Variants in ATP13A2 observed in about 807,000 individuals in gnomAD.
ATP13A2 encodes the protein polyamine-transporting ATPase 13A2.
A neutral mutation model predicts 138.3 loss-of-function variants in ATP13A2; 83 were observed. The ratio of observed to expected loss-of-function variants is 0.60; its 90% CI spans 0.50 to 0.72. ATP13A2 has a LOEUF of 0.72. Among genes scored for constraint, ATP13A2 ranks in the 30% least tolerant of loss-of-function variants. ATP13A2 has a pLI of 0.00. For missense variants in ATP13A2, 1,402 were observed against 1,606.4 expected, an observed-to-expected ratio of 0.87 and a Z score of 2.17; for synonymous variants, 663 against 699.0, an observed-to-expected ratio of 0.95 and a Z score of 0.81.
rs778964823 is a variant in ATP13A2, at chr1:16,996,397, A to G, written c.1295T>C (p.Leu432Pro). ...AGGGGGCCACTCACCCAGGACAGAGAGGGCAGCCACAAACTTCATGCTGTG... is the reference window on the plus strand; with the variant it reads ...AGGGGGCCACTCACCCAGGACAGAGGGGGCAGCCACAAACTTCATGCTGTG... ...YKHSMKFVAALSVLALLGTIY... is the reference protein window; with the variant it reads ...YKHSMKFVAAPSVLALLGTIY... The change falls in exon 13 of 29, where the codon CTC (leucine) becomes CCC (proline). Residue 432 changes from leucine (L) to proline (P), a missense_variant. Transcript: ENST00000326735. 2 of 1,613,948 alleles carry G rather than the reference A, an allele frequency of 1.2e-6. No individual in the cohort carries two copies. The highest frequency in any genetic ancestry group is 1.7e-5 in the Admixed American group (1 of 59,992).
Position 17,004,865 on chromosome 1 carries a change from C to T in ATP13A2, c.348-44G>A, listed in dbSNP as rs546978074. On this transcript the variant is annotated intron_variant, in intron 4 of 28. Transcript: ENST00000326735. This position sits in a 1 kb window ranked among gnomAD's most constrained non-coding sequence, Gnocchi z 4.1. ...GTTACTCTCGAGCTCTGGGAGCTGCCCTGGCACCTCCCTGTGCTCACAGAG... is the reference window on the plus strand; with the variant it reads ...GTTACTCTCGAGCTCTGGGAGCTGCTCTGGCACCTCCCTGTGCTCACAGAG... 6 of 1,613,526 alleles carry T rather than the reference C, an allele frequency of 3.7e-6. No homozygotes were observed. In the African/African-American group the frequency reaches 4.0e-5, roughly 11 times the overall value.
intron 20 of ATP13A2, among the ~76,000 whole-genome samples, chr1:16,991,009 G>A (rs1396083423): frequency 1.3e-5 from 2 of 151,532 alleles, no homozygotes; most frequent in Non-Finnish European, 2.9e-5. Flanking sequence ...GAGTGAAATG[G>A]CGTGATCTCA....
In ATP13A2 at chr1:17,004,662, G is replaced by A. The variant is rs760040958; in HGVS notation, c.477+30C>T. 1 of 1,613,984 alleles carries A rather than the reference G, an allele frequency of 6.2e-7. No homozygotes were observed. Among genetic ancestry groups the A allele is most frequent in the Non-Finnish European group, 8.5e-7 (1 of 1,180,034 alleles). On this transcript the variant is annotated intron_variant, in intron 5 of 28. Transcript: ENST00000326735. The surrounding 1 kb of genome is among the most constrained non-coding windows in gnomAD (Gnocchi z 4.1). ...GCACAGATCATGAAACCGAGGCCGAGAGAGGGGCAAGGACTTTTTCAGAAC... is the reference window on the plus strand; with the variant it reads ...GCACAGATCATGAAACCGAGGCCGAAAGAGGGGCAAGGACTTTTTCAGAAC...
chr1:16,989,846 G>C, intron 22 of ATP13A2, 41 bp downstream of exon 22: 1 of 1,610,388 alleles, frequency 6.2e-7, no homozygotes, highest in Non-Finnish European at 8.5e-7. Flanking sequence ...AGACAGAGCA[G>C]GGGAGGCGCA....
chr1:16,991,391 T>C (rs2076923664), intron 20 of ATP13A2, among the ~76,000 whole-genome samples: 1 of 152,160 alleles, frequency 6.6e-6, no homozygotes, highest in Admixed American at 6.5e-5. Context: ...GGCCAGAATC[T>C]TTCTCTTCCT....
In ATP13A2 at chr1:16,992,497, G is replaced by A. The variant is rs749137903; in HGVS notation, c.1834C>T (p.Leu612=). 1 of 1,614,168 alleles carries A rather than the reference G, an allele frequency of 6.2e-7. No individual in the cohort carries two copies. The highest frequency in any genetic ancestry group is 2.2e-5 in the East Asian group (1 of 44,888). ...CCCCCTCAGCTCACCATTGCCTGCA[G>A]CTGGGGCTCCCAAAGTGGGGGTCTC... The part of the protein sequence containing the change: ...VMRPPLWEPQ[L]QAMEEPPVPV... The change falls in exon 17 of 29, where the codon CTG becomes TTG. Residue 612 remains leucine, a synonymous_variant. Coordinates refer to ENST00000326735, the MANE Select transcript of ATP13A2 (RefSeq NM_022089.4).
intron 11 of ATP13A2, among the ~76,000 whole-genome samples, chr1:16,997,976 T>G (rs2077205398): frequency 6.6e-6 from 1 of 152,186 alleles, no homozygotes; most frequent in Non-Finnish European, 1.5e-5. Flanking sequence ...ATGCTCGCCA[T>G]GGCCCTGTGA....
chr1:16,990,112 C>T lies in ATP13A2; in HGVS notation c.2412+15G>A. 6.2e-7 allele frequency: 1 copy of T among 1,614,160 alleles called. No individual in the cohort carries two copies. The highest frequency in any genetic ancestry group is 8.5e-7 in the Non-Finnish European group (1 of 1,180,022). On this transcript the variant is annotated intron_variant, in intron 21 of 28. Coordinates refer to ENST00000326735, the MANE Select transcript of ATP13A2 (RefSeq NM_022089.4). Reference sequence around the variant, plus strand: ...CACTGGGTGAGGTACAGCTGGAACTCTGGGTTAGCCTCACCTTAACGCCAT... The same window carrying T: ...CACTGGGTGAGGTACAGCTGGAACTTTGGGTTAGCCTCACCTTAACGCCAT...
Position 17,002,019 on chromosome 1 carries a change from C to T in ATP13A2, c.705+15G>A. 6.2e-7 allele frequency: 1 copy of T among 1,604,940 alleles called. No individual in the cohort carries two copies. On this transcript the variant is annotated intron_variant, in intron 8 of 28. Transcript: ENST00000326735. ...CGCCAGGCAGGGCTGGGGCAAGACCCAGGGACAGCCCTACCTCGTCCACCA... is the reference window on the plus strand; with the variant it reads ...CGCCAGGCAGGGCTGGGGCAAGACCTAGGGACAGCCCTACCTCGTCCACCA...
chr1:16,995,800 A>T lies in ATP13A2; in HGVS notation c.1542+176T>A. On this transcript the variant is annotated intron_variant, in intron 15 of 28. Coordinates refer to ENST00000326735, the MANE Select transcript of ATP13A2 (RefSeq NM_022089.4). The surrounding 1 kb of genome is among the most constrained non-coding windows in gnomAD (Gnocchi z 4.1). ...TGATTCTAGACATTTCATCTGCCAG[A>T]CCGTGAGCCCAGTGAGGGCAGGAGT... The T allele has an allele frequency of 1.2e-6, 1 of 806,754 alleles. No homozygotes were observed. Among genetic ancestry groups the T allele is most frequent in the South Asian group, 1.5e-5 (1 of 68,660 alleles). 50.0% of individuals were successfully genotyped at this position (806,754 alleles called of 1,614,324 possible). A position where few individuals can be genotyped will look rare whatever the true frequency, so the allele number is the denominator to read the frequency against.
chr1:16,992,352 C>T lies in ATP13A2; in HGVS notation c.1896G>A (p.Ser632=), dbSNP rs575694238. 80 of 1,613,256 alleles carry T rather than the reference C, an allele frequency of 5.0e-5. No individual in the cohort carries two copies. The Middle Eastern group carries it at 6.6e-4, about 13-fold the overall frequency. ...VSVLHRFPFS[S]ALQRMSVVVA... ...CCACCACACTCATGCGCTGCAGAGC[C>T]GAAGAGAAGGGGAAGCGGTGGAGGA... The change falls in exon 18 of 29, where the codon TCG becomes TCA. Residue 632 remains serine (S), a synonymous_variant. Transcript: ENST00000326735.
At chr1:16,997,412 A>AGAGGGGG (rs2077170442) in intron 11 of ATP13A2, among the ~76,000 whole-genome samples, 1 of 50,808 alleles carries the variant, frequency 2.0e-5, no homozygotes, top group Non-Finnish European at 3.2e-5. Context: ...CCCTGGAACC[A>AGAGGGGG]GCGGGGGGGG....
Position 17,004,579 on chromosome 1 carries a change from T to G in ATP13A2, c.477+113A>C. On this transcript the variant is annotated intron_variant, in intron 5 of 28. Coordinates refer to ENST00000326735, the MANE Select transcript of ATP13A2 (RefSeq NM_022089.4). This position sits in a 1 kb window ranked among gnomAD's most constrained non-coding sequence, Gnocchi z 4.1. ...AAACGTGCTCAGACAGCATCCTGGA[T>G]GTTTGGGACAACAGAACTAAAAGGT... 6.2e-7 allele frequency: 1 copy of G among 1,600,902 alleles called. No homozygotes were observed. The highest frequency in any genetic ancestry group is 8.5e-7 in the Non-Finnish European group (1 of 1,170,976).
Position 16,992,028 on chromosome 1 carries a change from C to A in ATP13A2, c.2107G>T (p.Ala703Ser). ...GCCCACCTCGTCAGTTGCTGGGCTG[C>A]CTCCAGGCTGGGCACAGTGGGCAGT... ...KPLPTVPSLE[A>S]AQQLTRDTVE... The change falls in exon 19 of 29, where the codon GCA becomes TCA. Residue 703 changes from alanine (A) to serine (S), a missense_variant. Physicochemically the swap from Ala to Ser is moderately conservative, Grantham distance 99. Coordinates refer to ENST00000326735, the MANE Select transcript of ATP13A2 (RefSeq NM_022089.4). 2 of 1,613,102 alleles carry A rather than the reference C, an allele frequency of 1.2e-6. No individual in the cohort carries two copies. The highest frequency in any genetic ancestry group is 1.7e-6 in the Non-Finnish European group (2 of 1,179,510).
rs369889934 is a variant in ATP13A2 at position 16,986,210 on chromosome 1, G to A, written c.*11C>T. On this transcript the variant is annotated 3_prime_UTR_variant, in exon 29 of 29. Coordinates refer to ENST00000326735, the MANE Select transcript of ATP13A2 (RefSeq NM_022089.4). This position sits in a 1 kb window ranked among gnomAD's most constrained non-coding sequence, Gnocchi z 6.9. ...GGGAGTTCCAGTGTCTGGGGTGCCCGTGGGCCTGCACTACCTCAGGGGGCC... is the reference window on the plus strand; with the variant it reads ...GGGAGTTCCAGTGTCTGGGGTGCCCATGGGCCTGCACTACCTCAGGGGGCC... The A allele has an allele frequency of 7.8e-5, 125 of 1,612,436 alleles. No homozygotes were observed. Among genetic ancestry groups the A allele is most frequent in the Non-Finnish European group, 8.1e-5 (96 of 1,179,638 alleles).
rs931012569 is a variant in ATP13A2, at chr1:17,004,448, GC to G, written c.478-38del. The G allele has an allele frequency of 1.9e-6, 3 of 1,608,682 alleles. No individual in the cohort carries two copies. The highest frequency in any genetic ancestry group is 1.3e-5 in the African/African-American group (1 of 74,740). ...AGAGGAGAGGATGGGTTGGAAGCTG[GC>G]CCCGGCCCCAGAAGCAGTGTGCTTA... On this transcript the variant is annotated intron_variant, in intron 5 of 28. Coordinates refer to ENST00000326735, the MANE Select transcript of ATP13A2 (RefSeq NM_022089.4). The surrounding 1 kb of genome is among the most constrained non-coding windows in gnomAD (Gnocchi z 4.1).
chr1:16,993,560 G>A lies in ATP13A2; in HGVS notation c.1749+69C>T, dbSNP rs984040559. 20 of 1,418,676 alleles carry A rather than the reference G, an allele frequency of 1.4e-5. No homozygotes were observed. The African/African-American group carries it at 2.6e-4, about 18-fold the overall frequency. The allele number at this position is 1,418,676 out of a possible 1,614,324, so 87.9% of individuals were successfully genotyped here. ...GAGACCACCCTGAAAGATGGAGAGG[G>A]AAGACAGGGTGGGATTCGTTAGGCC... is the stretch of plus-strand genomic sequence containing the variant. On this transcript the variant is annotated intron_variant, in intron 16 of 28. Transcript: ENST00000326735.
In ATP13A2 at chr1:17,000,227, CTG is replaced by C. The variant is rs1570857099; in HGVS notation, c.907+17_907+18del. 2 of 1,552,724 alleles carry C rather than the reference CTG, an allele frequency of 1.3e-6. No homozygotes were observed. The highest frequency in any genetic ancestry group is 2.0e-5 in the Admixed American group (1 of 51,260). On this transcript the variant is annotated intron_variant, in intron 10 of 28. Transcript: ENST00000326735. Reference sequence around the variant, plus strand: ...ACCCTCCCACTCCTGCCCCCGCCCCCTGGGCCCTAGCTCCTCACCTCCCCCTG... The same window carrying C: ...ACCCTCCCACTCCTGCCCCCGCCCCCGGCCCTAGCTCCTCACCTCCCCCTG...
Position 17,005,575 on chromosome 1 carries a change from A to G in ATP13A2, c.106-19T>C. Reference sequence around the variant, plus strand: ...TGAGCCTCTGCGAACGCAGCGAGAGAGGGCCCAGGTCGGGGTGGGAACGGG... The same window carrying G: ...TGAGCCTCTGCGAACGCAGCGAGAGGGGGCCCAGGTCGGGGTGGGAACGGG... On this transcript the variant is annotated intron_variant, in intron 2 of 28. Coordinates refer to ENST00000326735, the MANE Select transcript of ATP13A2 (RefSeq NM_022089.4). 1 of 1,614,122 alleles carries G rather than the reference A, an allele frequency of 6.2e-7. No homozygotes were observed. The highest frequency in any genetic ancestry group is 8.5e-7 in the Non-Finnish European group (1 of 1,180,022).
Sources: allele counts gnomAD v4.1 joint callset (sites outside exome capture counted in the v4.1 genomes callset), GRCh38; gene constraint gnomAD v4.1.1; non-coding constraint Gnocchi (gnomAD v3.1); transcripts MANE v1.5; gene names NCBI Gene and HGNC (gene_info 2026-07-23, HGNC 2026-07-21).